LRP1B: variants seen among roughly 807,000 people sequenced by gnomAD.
LRP1B encodes the protein low-density lipoprotein receptor-related protein 1B.
LRP1B carries 217 observed loss-of-function variants against 556.6 expected under a neutral mutation model. The ratio of observed to expected loss-of-function variants is 0.39; its 90% confidence interval spans 0.35 to 0.44. The LOEUF is 0.44. LRP1B is among the 20% of genes least tolerant of loss of function. LRP1B has a pLI of 1.00. For missense variants in LRP1B, 5,053 were observed against 5,620.8 expected, an observed-to-expected ratio of 0.90 and a Z score of 3.23; for synonymous variants, 2,047 against 1,865.8, an observed-to-expected ratio of 1.10 and a Z score of -2.50.
At chr2:141,645,329 C>T (rs967668148) in intron 2 of LRP1B, among the ~76,000 whole-genome samples, 18 of 152,066 alleles carry the variant, frequency 1.2e-4, no homozygotes, top group African/African-American at 4.3e-4. Context: ...CACACCATGC[C>T]TCATATGAAG....
chr2:141,050,501 C>T (rs1699005243), intron 10 of LRP1B, among the ~76,000 whole-genome samples: 1 of 151,958 alleles, frequency 6.6e-6, no homozygotes, highest in Non-Finnish European at 1.5e-5. Context: ...CTCCCCTTGC[C>T]CTTCATCCCT....
intron 41 of LRP1B, among the ~76,000 whole-genome samples, chr2:140,661,052 A>C (rs1036401105): frequency 1.3e-5 from 2 of 152,078 alleles, no homozygotes; most frequent in Non-Finnish European, 2.9e-5. Flanking sequence ...TCAGAGGCCA[A>C]AGTTAATTTA....
intron 71 of LRP1B, 110 bp downstream of exon 71, chr2:140,370,600 G>A (rs929049141): frequency 7.2e-6 from 10 of 1,386,918 alleles, no homozygotes; most frequent in African/African-American, 1.4e-5. Flanking sequence ...AGAGTAAAGA[G>A]AATTATTTAA....
intron 7 of LRP1B, among the ~76,000 whole-genome samples, chr2:141,162,053 A>G (rs1184402147): frequency 6.6e-6 from 1 of 152,084 alleles, no homozygotes; most frequent in African/African-American, 2.4e-5. Context: ...TTGAAATTTC[A>G]AGATTCCTTT....
chr2:140,783,165 T>C (rs1292519643), intron 32 of LRP1B, among the ~76,000 whole-genome samples: 2 of 152,102 alleles, frequency 1.3e-5, no homozygotes, highest in East Asian at 3.9e-4. Flanking sequence ...TTTATAATGC[T>C]TTACCTCTTA....
chr2:141,714,326 T>C (rs569864936), intron 2 of LRP1B, among the ~76,000 whole-genome samples: 1 of 152,280 alleles, frequency 6.6e-6, no homozygotes, highest in Admixed American at 6.5e-5. Flanking sequence ...ATGAATGCTA[T>C]TGCTGCTAAC....
chr2:140,707,303 T>A (rs1686874226), intron 37 of LRP1B, among the ~76,000 whole-genome samples: 1 of 152,146 alleles, frequency 6.6e-6, no homozygotes, highest in African/African-American at 2.4e-5. Context: ...TTCTCTTATG[T>A]CGGCAGTTGG....
intron 2 of LRP1B, among the ~76,000 whole-genome samples, chr2:141,742,923 A>G (rs1342564951): frequency 2.0e-5 from 3 of 152,066 alleles, no homozygotes; most frequent in Non-Finnish European, 2.9e-5. Context: ...TTGTTGGCAT[A>G]TAGAAATGTT....
rs371521684 is a variant in LRP1B at position 141,538,355 on chromosome 2, T to G, written c.206-57822A>C. On this transcript the variant is annotated intron_variant, in intron 2 of 90. Transcript: ENST00000389484. Reference sequence around the variant, plus strand: ...CAAAATCTTCCCTCTCTCGCTTCTATAGTAAATGACAAGAATACGATGGTA... The same window carrying G: ...CAAAATCTTCCCTCTCTCGCTTCTAGAGTAAATGACAAGAATACGATGGTA... Among the ~76,000 whole-genome samples the G allele has an allele frequency of 1.6e-4, 24 of 152,306 alleles. No individual in the cohort carries two copies. In the South Asian group the frequency reaches 4.6e-3, roughly 29 times the overall value.
intron 2 of LRP1B, among the ~76,000 whole-genome samples, chr2:141,608,138 C>A (rs1005424194): frequency 6.6e-6 from 1 of 152,028 alleles, no homozygotes; most frequent in African/African-American, 2.4e-5. Context: ...GCAGGAGAAT[C>A]GCTTGAACCC....
At chr2:140,970,029 T>C (rs1009630208) in intron 18 of LRP1B, among the ~76,000 whole-genome samples, 1 of 152,188 alleles carries the variant, frequency 6.6e-6, no homozygotes, top group Non-Finnish European at 1.5e-5. Flanking sequence ...AGGACCATCT[T>C]TGGGGCATTC....
chr2:140,901,297 T>A (rs1379853564), intron 23 of LRP1B, among the ~76,000 whole-genome samples: 1 of 152,158 alleles, frequency 6.6e-6, no homozygotes, highest in Non-Finnish European at 1.5e-5. Flanking sequence ...AAACTGTCCT[T>A]CCAGCCCCTG....
chr2:140,336,415 C>G (rs961947694), intron 77 of LRP1B, among the ~76,000 whole-genome samples: 8 of 148,632 alleles, frequency 5.4e-5, no homozygotes, highest in African/African-American at 2.0e-4. Context: ...GATACAAACA[C>G]TCAATTTCTT....
chr2:140,701,139 T>TCACCAGTCTAATTCTCCTC (rs1686626270), intron 40 of LRP1B, among the ~76,000 whole-genome samples: 1 of 152,094 alleles, frequency 6.6e-6, no homozygotes, highest in Non-Finnish European at 1.5e-5. Context: ...TAATTCTCCT[T>TCACCAGTCTAATTCTCCTC]TGTGAATTCA....
intron 3 of LRP1B, among the ~76,000 whole-genome samples, chr2:141,357,045 TTTTATTTTATTTTA>T (rs1327782169): frequency 2.0e-5 from 3 of 151,564 alleles, no homozygotes; most frequent in African/African-American, 7.3e-5. Flanking sequence ...TTTATTTTAT[TTTTATTTTATTTTA>T]TTTATTTTAT....
rs7581976 is a variant in LRP1B at position 141,246,819 on chromosome 2, G to C, written c.592+407C>G. Among the ~76,000 whole-genome samples the C allele has an allele frequency of 4.8e-3, 737 of 152,224 alleles. 6 individuals are homozygous for C. The highest frequency in any genetic ancestry group is 0.017 in the African/African-American group (706 of 41,566). Reference sequence around the variant, plus strand: ...GTCTCTACTAAAAATGCAAAAATTAGCCAGGTATGGTGGTGTGTGCCTGTA... The same window carrying C: ...GTCTCTACTAAAAATGCAAAAATTACCCAGGTATGGTGGTGTGTGCCTGTA... On this transcript the variant is annotated intron_variant, in intron 5 of 90. Coordinates refer to ENST00000389484, the MANE Select transcript of LRP1B (RefSeq NM_018557.3).
chr2:141,388,330 G>T (rs148613182), intron 3 of LRP1B, among the ~76,000 whole-genome samples: 1 of 152,056 alleles, frequency 6.6e-6, no homozygotes, highest in Non-Finnish European at 1.5e-5. Context: ...CAGCTACTTG[G>T]GAGGCTGAGG....
intron 7 of LRP1B, among the ~76,000 whole-genome samples, chr2:141,159,248 G>C (rs562062167): frequency 2.0e-5 from 3 of 152,142 alleles, no homozygotes; most frequent in African/African-American, 7.2e-5. Flanking sequence ...TTTACTTTTT[G>C]TAAATGTCTA....
intron 84 of LRP1B, among the ~76,000 whole-genome samples, chr2:140,293,419 A>C (rs746437406): frequency 6.6e-6 from 1 of 152,228 alleles, no homozygotes; most frequent in East Asian, 1.9e-4. Flanking sequence ...TTTTACCATT[A>C]TTTATCTTTG....
Sources: gnomAD v4.1 joint callset for allele counts (sites outside exome capture counted in the v4.1 genomes callset) on GRCh38, gnomAD v4.1.1 for gene constraint, MANE v1.5 for transcripts, NCBI Gene and HGNC (gene_info 2026-07-23, HGNC 2026-07-21) for gene names.